Variants in HMCN1 observed in about 807,000 individuals in gnomAD.
HMCN1 encodes the protein hemicentin 1, also known as hemicentin-1.
HMCN1 carries 321 observed loss-of-function variants against 625.9 expected under a neutral mutation model. The ratio of observed to expected loss-of-function variants is 0.51; its 90% CI spans 0.47 to 0.56. HMCN1 has a LOEUF of 0.56. HMCN1 is among the 20% of genes least tolerant of loss of function. HMCN1 has a pLI of 0.00. For synonymous variants in HMCN1, 2,425 were observed against 2,417.6 expected (o/e 1.00, Z -0.09); for missense variants, 6,588 against 6,887.3 (o/e 0.96, Z 1.54).
intron 36 of HMCN1, among the ~76,000 whole-genome samples, chr1:186,036,844 C>T (rs897432541): frequency 1.1e-4 from 17 of 152,010 alleles, no homozygotes; most frequent in Non-Finnish European, 2.1e-4. Flanking sequence ...CCTGCCTCAG[C>T]CTCCCAAAGT....
chr1:186,159,793 T>G (rs915866035), intron 97 of HMCN1, among the ~76,000 whole-genome samples: 3 of 152,232 alleles, frequency 2.0e-5, no homozygotes, highest in Admixed American at 6.5e-5. Flanking sequence ...GTGGATAAGC[T>G]TTTTGATGCG....
Position 186,114,143 on chromosome 1 carries a change from A to T in HMCN1, c.11276+20A>T, listed in dbSNP as rs957434598. On this transcript the variant is annotated intron_variant, in intron 73 of 106. Transcript: ENST00000271588. ...TGCAAGGTAACCATACTGGAAAATT[A>T]AAAAATGCTATAAGACCTGAAATAC... 5.6e-6 allele frequency: 9 copies of T among 1,613,370 alleles called. No homozygotes were observed. Among genetic ancestry groups the T allele is most frequent in the Admixed American group, 1.7e-5 (1 of 59,992 alleles).
rs986166434 is a variant in HMCN1, at chr1:186,074,669, C to A, written c.8140-72C>A. 5.3e-5 allele frequency: 71 copies of A among 1,342,310 alleles called. No homozygotes were observed. The African/African-American group carries it at 9.6e-4, about 18-fold the overall frequency. The allele number at this position is 1,342,310 out of a possible 1,614,324, so 83.1% of individuals were successfully genotyped here. A position where few individuals can be genotyped will look rare whatever the true frequency, so the allele number is the denominator to read the frequency against. ...TCATTTATTTAAAAAATCACAAAAACTATCAACTGCATGGCCTCTTAGAGG... is the reference window on the plus strand; with the variant it reads ...TCATTTATTTAAAAAATCACAAAAAATATCAACTGCATGGCCTCTTAGAGG... On this transcript the variant is annotated intron_variant, in intron 52 of 106. Coordinates refer to ENST00000271588, the MANE Select transcript of HMCN1 (RefSeq NM_031935.3).
intron 104 of HMCN1, among the ~76,000 whole-genome samples, chr1:186,179,544 G>A (rs1394600301): frequency 6.6e-6 from 1 of 152,072 alleles, no homozygotes; most frequent in East Asian, 1.9e-4. Context: ...TAGCAAGCAG[G>A]AATTAGTTTT....
In HMCN1 at chr1:185,980,957, TA is replaced by T; in HGVS notation, c.2567-18del. 7.2e-7 allele frequency: 1 copy of T among 1,394,276 alleles called. No individual in the cohort carries two copies. Among genetic ancestry groups the T allele is most frequent in the Non-Finnish European group, 1.0e-6 (1 of 979,630 alleles). The allele number at this position is 1,394,276 out of a possible 1,614,324, so 86.4% of individuals were successfully genotyped here. On this transcript the variant is annotated intron_variant, in intron 16 of 106. Coordinates refer to ENST00000271588, the MANE Select transcript of HMCN1 (RefSeq NM_031935.3). The stretch of plus-strand genomic sequence containing the variant: ...TTCTCCATAGATGGTATTGGATGAG[TA>T]AATGAGTTCTTCCTTTTAGACTTAT...
intron 97 of HMCN1, among the ~76,000 whole-genome samples, chr1:186,162,294 T>TGAA: frequency 6.6e-6 from 1 of 152,290 alleles, no homozygotes; most frequent in African/African-American, 2.4e-5. Flanking sequence ...TTTCTCTGTA[T>TGAA]TGGTTATTCT....
intron 4 of HMCN1, among the ~76,000 whole-genome samples, chr1:185,908,007 T>C (rs1666192144): frequency 6.6e-6 from 1 of 151,924 alleles, no homozygotes; most frequent in South Asian, 2.1e-4. Context: ...GATATGGTTT[T>C]TGATACTGGA....
At chr1:185,900,462 T>G (rs1025904696) in intron 4 of HMCN1, among the ~76,000 whole-genome samples, 1 of 151,932 alleles carries the variant, frequency 6.6e-6, no homozygotes, top group African/African-American at 2.4e-5. Context: ...TTGTGCGTGG[T>G]GCCAGATTTT....
intron 36 of HMCN1, among the ~76,000 whole-genome samples, chr1:186,024,602 C>G (rs1328585495): frequency 3.9e-5 from 6 of 152,176 alleles, no homozygotes; most frequent in Non-Finnish European, 8.8e-5. Context: ...CTATGCTAAA[C>G]ATGATGTATG....
intron 1 of HMCN1, among the ~76,000 whole-genome samples, chr1:185,778,064 A>G (rs115864602): frequency 1.9e-3 from 291 of 151,828 alleles, no homozygotes; most frequent in African/African-American, 6.9e-3. Flanking sequence ...GAACTTTCTT[A>G]CTCCCTTGAG....
chr1:185,785,111 T>C, intron 1 of HMCN1, among the ~76,000 whole-genome samples: 1 of 152,242 alleles, frequency 6.6e-6, no homozygotes. Flanking sequence ...CTTCTGGCTT[T>C]GGGAATATGG....
chr1:186,093,003 G>A (rs1057249190), intron 64 of HMCN1, 131 bp from the exon 65 acceptor site: 19 of 1,153,896 alleles, frequency 1.6e-5, no homozygotes, highest in South Asian at 7.5e-5. Context: ...TATGAGACTC[G>A]CTACTGTAGA....
chr1:185,959,200 A>T (rs1406176872), intron 11 of HMCN1, among the ~76,000 whole-genome samples: 1 of 152,220 alleles, frequency 6.6e-6, no homozygotes, highest in Non-Finnish European at 1.5e-5. Context: ...TTGAAGAAAA[A>T]GTCCTTAGGT....
chr1:185,922,622 G>A lies in HMCN1; in HGVS notation c.1021+123G>A, dbSNP rs1412811713. Reference sequence around the variant, plus strand: ...AAAATTGAGAAGCATAGCTTTAAATGTGACTGTTCTCTTGGCCTAATCACT... The same window carrying A: ...AAAATTGAGAAGCATAGCTTTAAATATGACTGTTCTCTTGGCCTAATCACT... On this transcript the variant is annotated intron_variant, in intron 7 of 106. Coordinates refer to ENST00000271588, the MANE Select transcript of HMCN1 (RefSeq NM_031935.3). The A allele has an allele frequency of 4.5e-6, 4 of 895,008 alleles. No individual in the cohort carries two copies. The African/African-American group carries it at 5.0e-5, about 11-fold the overall frequency. The allele number at this position is 895,008 out of a possible 1,614,324, so 55.4% of individuals were successfully genotyped here.
At chr1:185,814,206 A>T (rs1035713024) in intron 1 of HMCN1, among the ~76,000 whole-genome samples, 2 of 152,170 alleles carry the variant, frequency 1.3e-5, no homozygotes, top group African/African-American at 2.4e-5. Flanking sequence ...CCTTAAAACA[A>T]TAGTTGTACA....
chr1:186,088,269 G>A lies in HMCN1; in HGVS notation c.9570G>A (p.Lys3190=), dbSNP rs1195586500. The part of the protein sequence containing the change: ...PPTIAWLKNH[K]RIENSDSLEV... ...CGATAGCATGGTTAAAGAACCACAA[G>A]CGCATAGGTAAGGCAACCATGCATT... Residue 3190 remains lysine, a synonymous_variant, in exon 62 of 107, where the codon AAG becomes AAA. Transcript: ENST00000271588. The A allele has an allele frequency of 9.9e-6, 16 of 1,612,670 alleles. No homozygotes were observed. The highest frequency in any genetic ancestry group is 3.3e-5 in the Admixed American group (2 of 59,822).
chr1:186,015,267 C>T lies in HMCN1; in HGVS notation c.4739C>T (p.Thr1580Ile). Residue 1580 changes from threonine to isoleucine, a missense_variant, in exon 31 of 107, where the codon ACT becomes ATT. By Grantham distance (89) the Thr-to-Ile change is moderately conservative. Coordinates refer to ENST00000271588, the MANE Select transcript of HMCN1 (RefSeq NM_031935.3). ...CGGGGACTTCCAATGCCTGCCATTA[C>T]TTGGTATAAGGACGGGCAGCCAATC... ...ETRGLPMPAI[T>I]WYKDGQPIMS... 6.2e-7 allele frequency: 1 copy of T among 1,613,760 alleles called. No homozygotes were observed. The highest frequency in any genetic ancestry group is 8.5e-7 in the Non-Finnish European group (1 of 1,179,784).
intron 2 of HMCN1, among the ~76,000 whole-genome samples, chr1:185,855,702 A>G (rs1055434623): frequency 4.6e-5 from 7 of 152,204 alleles, no homozygotes; most frequent in African/African-American, 1.7e-4. Flanking sequence ...AGAAGGTCCA[A>G]CGAGTTGAAA....
chr1:186,146,538 G>C (rs1397357742), intron 93 of HMCN1, among the ~76,000 whole-genome samples: 2 of 152,152 alleles, frequency 1.3e-5, no homozygotes, highest in African/African-American at 4.8e-5. Flanking sequence ...TTATATTGTT[G>C]AAGTGTCAAG....
Sources: allele counts gnomAD v4.1 joint callset (sites outside exome capture counted in the v4.1 genomes callset), GRCh38; gene constraint gnomAD v4.1.1; transcripts MANE v1.5; gene names NCBI Gene and HGNC (gene_info 2026-07-23, HGNC 2026-07-21).